SPRED2: variants seen among roughly 807,000 people sequenced by gnomAD.
The protein encoded by SPRED2 is sprouty related EVH1 domain containing 2.
SPRED2 carries 47 observed loss-of-function variants against 43.0 expected under a neutral mutation model. The observed-to-expected ratio is 1.09, with a 90% CI of 0.87 to 1.40. The LOEUF (loss-of-function observed/expected upper bound fraction) is 1.40, where lower values mean the gene tolerates loss of function less well. SPRED2 is among the 40% of genes most tolerant of loss of function. The pLI is 0.00. For synonymous variants in SPRED2, 225 were observed against 225.7 expected, an observed-to-expected ratio of 1.00 and a Z score of 0.03; for missense variants, 561 against 586.4, an observed-to-expected ratio of 0.96 and a Z score of 0.45.
At chr2:65,322,270 C>CTCTATATA (rs1468134315) in intron 4 of SPRED2, among the ~76,000 whole-genome samples, 1 of 36,472 alleles carries the variant, frequency 2.7e-5, no homozygotes, top group Non-Finnish European at 4.3e-5. Context: ...CTCTCTCTCT[C>CTCTATATA]TATATATATA....
intron 1 of SPRED2, among the ~76,000 whole-genome samples, chr2:65,354,552 GAA>G (rs11341778): frequency 1.7e-4 from 24 of 142,534 alleles, no homozygotes; most frequent in East Asian, 5.9e-4. Context: ...GTGCTCTCAT[GAA>G]AAAAAAAAAA....
intron 1 of SPRED2, among the ~76,000 whole-genome samples, chr2:65,379,613 T>C (rs1675325285): frequency 6.6e-6 from 1 of 152,214 alleles, no homozygotes; most frequent in African/African-American, 2.4e-5. Context: ...TTCCCTCCTA[T>C]GACAACCCTG....
chr2:65,308,683 G>C (rs553421270), downstream of SPRED2: 1 of 508,542 alleles, frequency 2.0e-6, no homozygotes, highest in Non-Finnish European at 2.5e-6. Context: ...CTGAGGGTAG[G>C]TATTATCCCA....
In SPRED2 at chr2:65,316,789, T is replaced by C; in HGVS notation, c.533A>G (p.Tyr178Cys). The C allele has an allele frequency of 1.9e-6, 3 of 1,613,356 alleles. No homozygotes were observed. The highest frequency in any genetic ancestry group is 2.5e-6 in the Non-Finnish European group (3 of 1,179,788). ...SPTSCEHRRIYTLGHLHDSYP... is the reference protein window; with the variant it reads ...SPTSCEHRRICTLGHLHDSYP... ...TGAGTCGTGGAGGTGGCCCAGGGTA[T>C]AAATCCTCCGGTGCTCACAGGATGT... Residue 178 changes from tyrosine (Y) to cysteine (C), a missense_variant, in exon 5 of 6, where the codon TAT becomes TGT. By Grantham distance (194) the Tyr-to-Cys change is radical. Around this residue, in one of 6 missense-constraint regions of SPRED2, gnomAD observed 305 missense variants for 282.4 expected, o/e 1.08. Coordinates refer to ENST00000356388, the MANE Select transcript of SPRED2 (RefSeq NM_181784.3).
intron 4 of SPRED2, among the ~76,000 whole-genome samples, chr2:65,330,542 C>T (rs78249344): frequency 0.012 from 1,818 of 152,140 alleles, 33 homozygotes; most frequent in African/African-American, 0.04. Flanking sequence ...TTCCCCTGTC[C>T]CCACACATGC....
chr2:65,364,584 C>T (rs1674920324), intron 1 of SPRED2, among the ~76,000 whole-genome samples: 1 of 152,194 alleles, frequency 6.6e-6, no homozygotes. Context: ...GGTCAGTATA[C>T]CCTCTGTGTA....
At chr2:65,346,255 C>T (rs1395405181) in intron 1 of SPRED2, among the ~76,000 whole-genome samples, 1 of 151,968 alleles carries the variant, frequency 6.6e-6, no homozygotes, top group Admixed American at 6.5e-5. Flanking sequence ...CCCAACTGAT[C>T]TCCCTTGGCC....
intron 1 of SPRED2, among the ~76,000 whole-genome samples, chr2:65,375,266 G>A (rs1675214272): frequency 1.3e-5 from 2 of 152,194 alleles, no homozygotes; most frequent in East Asian, 3.9e-4. Context: ...TCCATCACAG[G>A]AACATTAACT....
At chr2:65,308,270 A>G (rs1044330951), downstream of SPRED2, 1 of 977,104 alleles carries the variant, frequency 1.0e-6, no homozygotes, top group Non-Finnish European at 1.2e-6. Flanking sequence ...GCCACTGAGC[A>G]GGACCCTGCC....
chr2:65,371,737 A>G (rs1675129354), intron 1 of SPRED2, among the ~76,000 whole-genome samples: 3 of 152,018 alleles, frequency 2.0e-5, no homozygotes, highest in Non-Finnish European at 4.4e-5. Flanking sequence ...GCTCTCGCAG[A>G]TGAAATGCAT....
At chr2:65,431,171 G>GGCCAGGCACAAGCCCGTGC (rs1676677344) in intron 1 of SPRED2, among the ~76,000 whole-genome samples, 1 of 151,720 alleles carries the variant, frequency 6.6e-6, no homozygotes, top group African/African-American at 2.4e-5. Flanking sequence ...CGGGCCCGCG[G>GGCCAGGCACAAGCCCGTGC]GCCAGGCACA....
chr2:65,401,329 A>G (rs1312202880), intron 1 of SPRED2, among the ~76,000 whole-genome samples: 3 of 152,110 alleles, frequency 2.0e-5, no homozygotes, highest in Non-Finnish European at 4.4e-5. Context: ...ACACTTGTTC[A>G]GTTTACCAGA....
chr2:65,328,068 G>A (rs1673699440), intron 4 of SPRED2, among the ~76,000 whole-genome samples: 1 of 152,108 alleles, frequency 6.6e-6, no homozygotes, highest in African/African-American at 2.4e-5. Context: ...ACTAAACTTT[G>A]TAGAAGTAAT....
chr2:65,393,736 C>T (rs1182809434), intron 1 of SPRED2, among the ~76,000 whole-genome samples: 1 of 152,160 alleles, frequency 6.6e-6, no homozygotes, highest in Admixed American at 6.6e-5. Context: ...CTGTGGCCCC[C>T]TTCTCAAAAC....
intron 1 of SPRED2, among the ~76,000 whole-genome samples, chr2:65,386,512 G>A (rs1427996367): frequency 1.3e-5 from 2 of 152,146 alleles, no homozygotes; most frequent in Non-Finnish European, 2.9e-5. Flanking sequence ...ATGCTTCTAT[G>A]CATATTGTGT....
intron 1 of SPRED2, 101 bp from the exon 2 acceptor site, chr2:65,344,997 T>C: frequency 8.2e-7 from 1 of 1,216,666 alleles, no homozygotes; most frequent in East Asian, 2.5e-5. Flanking sequence ...ACTTTTTTTG[T>C]TTTATCGAAA....
At chr2:65,417,443 C>T (rs949509372) in intron 1 of SPRED2, among the ~76,000 whole-genome samples, 2 of 152,060 alleles carry the variant, frequency 1.3e-5, no homozygotes, top group African/African-American at 4.8e-5. Context: ...CCCTACCTAC[C>T]ATGTTCAGGA....
chr2:65,313,846 T>C lies in SPRED2; in HGVS notation c.912A>G (p.Gly304=). 1 of 1,611,892 alleles carries C rather than the reference T, an allele frequency of 6.2e-7. No individual in the cohort carries two copies. The highest frequency in any genetic ancestry group is 1.1e-5 in the South Asian group (1 of 91,064). Residue 304 remains glycine, a synonymous_variant, in exon 6 of 6, where the codon GGA becomes GGG. Coordinates refer to ENST00000356388, the MANE Select transcript of SPRED2 (RefSeq NM_181784.3). ...TGCAGTACACGCACCGCGAGCGCTCTCCGTCCTCCTTCCGCCGCCGCGACT... is the reference window on the plus strand; with the variant it reads ...TGCAGTACACGCACCGCGAGCGCTCCCCGTCCTCCTTCCGCCGCCGCGACT... ...RGKSRRRKED[G]ERSRCVYCRD...
Position 65,314,864 on chromosome 2 carries a change from T to G in SPRED2, c.589-695A>C, listed in dbSNP as rs552922783. The stretch of plus-strand genomic sequence containing the variant: ...TAGGAAACAGTAGCTCACCATGTCA[T>G]CTGGTGAGATGCGGACAGGAGAAGG... On this transcript the variant is annotated intron_variant, in intron 5 of 5. Transcript: ENST00000356388. Among the ~76,000 whole-genome samples, 18 of 152,304 alleles carry G rather than the reference T, an allele frequency of 1.2e-4. No individual in the cohort carries two copies. In the South Asian group the frequency reaches 2.3e-3, roughly 19 times the overall value.
Sources: allele counts gnomAD v4.1 joint callset (sites outside exome capture counted in the v4.1 genomes callset), GRCh38; gene constraint gnomAD v4.1.1; regional missense constraint gnomAD v4.1.1; transcripts MANE v1.5; gene names NCBI Gene and HGNC (gene_info 2026-07-23, HGNC 2026-07-21).